CCSER1: variants seen among roughly 807,000 people sequenced by gnomAD.
The protein encoded by CCSER1 is serine-rich coiled-coil domain-containing protein 1.
CCSER1 carries 41 observed loss-of-function variants against 82.0 expected under a neutral mutation model. That is an observed-to-expected ratio of 0.50 (90% confidence interval 0.39 to 0.65). CCSER1 has a LOEUF of 0.65. Among genes scored for constraint, CCSER1 ranks in the 30% least tolerant of loss-of-function variants. The pLI, the probability that CCSER1 is intolerant of heterozygous loss-of-function variation, is 0.00. For missense variants in CCSER1, 1,119 were observed against 1,064.2 expected (o/e 1.05, Z -0.72); for synonymous variants, 414 against 383.9 (o/e 1.08, Z -0.92).
At chr4:90,597,981 T>G (rs920440713) in intron 5 of CCSER1, among the ~76,000 whole-genome samples, 3 of 152,192 alleles carry the variant, frequency 2.0e-5, no homozygotes, top group Admixed American at 2.0e-4. Flanking sequence ...TGATTTTTTT[T>G]TTAAACGCTG....
Position 91,168,735 on chromosome 4 carries a change from C to T in CCSER1, c.2217+82741C>T, listed in dbSNP as rs539889807. On this transcript the variant is annotated intron_variant, in intron 10 of 10. Coordinates refer to ENST00000509176, the MANE Select transcript of CCSER1 (RefSeq NM_001145065.2). The stretch of plus-strand genomic sequence containing the variant: ...GACCATCGAGAATGGGCCATGATGA[C>T]GATGGTGGTTTTGTTGAAAAGAAAA... 4.0e-4 allele frequency among the ~76,000 whole-genome samples: 61 copies of T among 151,986 alleles called. 1 individual carries two copies. In the South Asian group the frequency reaches 9.6e-3, roughly 24 times the overall value.
At chr4:90,479,743 A>G (rs1765647417) in intron 5 of CCSER1, among the ~76,000 whole-genome samples, 1 of 152,170 alleles carries the variant, frequency 6.6e-6, no homozygotes. Flanking sequence ...TCTACGGTGT[A>G]TATGTGCCAC....
chr4:90,324,067 C>T (rs1393156605), intron 3 of CCSER1, among the ~76,000 whole-genome samples: 1 of 152,146 alleles, frequency 6.6e-6, no homozygotes, highest in Non-Finnish European at 1.5e-5. Context: ...TCCAGTCTAT[C>T]ATGGTTGGAC....
chr4:90,239,849 C>G (rs1167802398), intron 1 of CCSER1, among the ~76,000 whole-genome samples: 1 of 152,072 alleles, frequency 6.6e-6, no homozygotes, highest in Non-Finnish European at 1.5e-5. Context: ...CAGATTGATT[C>G]AATACCAAGT....
chr4:91,041,221 G>A (rs150771741), intron 9 of CCSER1, among the ~76,000 whole-genome samples: 54 of 152,188 alleles, frequency 3.5e-4, no homozygotes, highest in African/African-American at 1.2e-3. Context: ...ATAAGTCCCA[G>A]GTTCTCATCC....
At chr4:91,320,305 A>G (rs1235334490) in intron 10 of CCSER1, among the ~76,000 whole-genome samples, 2 of 152,082 alleles carry the variant, frequency 1.3e-5, no homozygotes, top group Non-Finnish European at 2.9e-5. Context: ...TGAAGAAGAA[A>G]AAATAAATTA....
intron 3 of CCSER1, among the ~76,000 whole-genome samples, chr4:90,331,198 T>C (rs2153495759): frequency 6.6e-6 from 1 of 152,176 alleles, no homozygotes; most frequent in East Asian, 1.9e-4. Flanking sequence ...TTTTTCTTTT[T>C]TTTTCTTTTT....
chr4:91,142,064 C>A (rs907618205), intron 10 of CCSER1, among the ~76,000 whole-genome samples: 24 of 152,208 alleles, frequency 1.6e-4, no homozygotes, highest in African/African-American at 5.8e-4. Flanking sequence ...TGTCTGCTTA[C>A]CCTGTGATAT....
intron 1 of CCSER1, among the ~76,000 whole-genome samples, chr4:90,230,385 G>C (rs543140311): frequency 1.3e-5 from 2 of 152,138 alleles, no homozygotes; most frequent in African/African-American, 4.8e-5. Flanking sequence ...GGTATATAAC[G>C]AAATGAAGGC....
intron 10 of CCSER1, among the ~76,000 whole-genome samples, chr4:91,362,979 T>C (rs1172783571): frequency 1.3e-5 from 2 of 151,714 alleles, no homozygotes; most frequent in Non-Finnish European, 3.0e-5. Flanking sequence ...AAACAAACAA[T>C]CCAAGCTCAG....
intron 10 of CCSER1, among the ~76,000 whole-genome samples, chr4:91,260,103 G>A (rs1017703059): frequency 6.6e-6 from 1 of 152,132 alleles, no homozygotes; most frequent in Non-Finnish European, 1.5e-5. Context: ...ATTAACATTC[G>A]GGGTTACTGT....
chr4:90,547,083 G>A (rs1776849194), intron 5 of CCSER1, among the ~76,000 whole-genome samples: 1 of 151,932 alleles, frequency 6.6e-6, no homozygotes, highest in African/African-American at 2.4e-5. Flanking sequence ...TACTGGAAAG[G>A]TCAGAAAGAT....
intron 3 of CCSER1, among the ~76,000 whole-genome samples, chr4:90,366,289 A>G (rs1032712980): frequency 1.3e-5 from 2 of 151,902 alleles, no homozygotes; most frequent in African/African-American, 2.4e-5. Context: ...AGATGTTAGT[A>G]TCTTAATCAC....
Position 91,456,527 on chromosome 4 carries a change from C to T in CCSER1, c.2218-142045C>T, listed in dbSNP as rs114815263. Among the ~76,000 whole-genome samples, 906 of 152,094 alleles carry T rather than the reference C, an allele frequency of 6.0e-3. 6 individuals are homozygous for T. Among genetic ancestry groups the T allele is most frequent in the African/African-American group, 0.018 (749 of 41,496 alleles). Reference sequence around the variant, plus strand: ...TGCACTTTCTAACTGTATTTTTCAACTTGAAAGCCATATTTGCCATTCTGT... The same window carrying T: ...TGCACTTTCTAACTGTATTTTTCAATTTGAAAGCCATATTTGCCATTCTGT... On this transcript the variant is annotated intron_variant, in intron 10 of 10. Coordinates refer to ENST00000509176, the MANE Select transcript of CCSER1 (RefSeq NM_001145065.2).
intron 3 of CCSER1, among the ~76,000 whole-genome samples, chr4:90,373,077 A>T (rs1009904014): frequency 1.3e-5 from 2 of 151,994 alleles, no homozygotes; most frequent in Admixed American, 6.6e-5. Flanking sequence ...GAGTTGACTG[A>T]TTTTTAGGTA....
At chr4:90,844,965 G>A (rs1763020806) in intron 8 of CCSER1, among the ~76,000 whole-genome samples, 1 of 152,126 alleles carries the variant, frequency 6.6e-6, no homozygotes, top group African/African-American at 2.4e-5. Flanking sequence ...TAAATGAATT[G>A]GTGTGGAGCT....
At chr4:90,262,776 C>G (rs1453698407) in intron 1 of CCSER1, among the ~76,000 whole-genome samples, 2 of 152,148 alleles carry the variant, frequency 1.3e-5, no homozygotes, top group Non-Finnish European at 2.9e-5. Flanking sequence ...CAGCCTCACT[C>G]CTGCCCCTGT....
At chr4:90,946,624 CAA>C (rs61298882) in intron 9 of CCSER1, among the ~76,000 whole-genome samples, 4,037 of 108,364 alleles carry the variant, frequency 0.037, 68 homozygotes, top group Non-Finnish European at 0.045. Context: ...GACTGCACCT[CAA>C]AAAAAAAAAA....
intron 3 of CCSER1, among the ~76,000 whole-genome samples, chr4:90,392,368 T>C (rs545711894): frequency 1.3e-5 from 2 of 152,184 alleles, no homozygotes; most frequent in Non-Finnish European, 2.9e-5. Flanking sequence ...CATATAAATA[T>C]TAGCTTTTTC....
Sources: gnomAD v4.1 joint callset for allele counts (sites outside exome capture counted in the v4.1 genomes callset) on GRCh38, gnomAD v4.1.1 for gene constraint, MANE v1.5 for transcripts, NCBI Gene and HGNC (gene_info 2026-07-23, HGNC 2026-07-21) for gene names.